The following UBE2V2 variants were observed in gnomAD, a reference collection of about 807,000 sequenced individuals.
The protein encoded by UBE2V2 is ubiquitin-conjugating enzyme E2 variant 2.
In UBE2V2, 9 loss-of-function variants were observed where a neutral mutation model predicts 17.2. That is an observed-to-expected ratio of 0.52 (90% CI 0.32 to 0.91). The LOEUF (loss-of-function observed/expected upper bound fraction) is 0.91. Ranked by LOEUF, UBE2V2 falls within the 40% of genes least tolerant of loss-of-function variation. The pLI is 0.04. For missense variants in UBE2V2, 133 were observed against 182.6 expected (o/e 0.73, Z 1.56); for synonymous variants, 61 against 57.5 (o/e 1.06, Z -0.28).
chr8:48,032,407 A>G (rs559498622), intron 1 of UBE2V2, among the ~76,000 whole-genome samples: 14 of 152,196 alleles, frequency 9.2e-5, no homozygotes, highest in South Asian at 2.1e-4. Flanking sequence ...TATTAAATCT[A>G]TTTGTATAAA....
chr8:48,001,066 C>T, the UBE2V2 span, among the ~76,000 whole-genome samples: 6 of 152,150 alleles, frequency 3.9e-5, no homozygotes, highest in African/African-American at 9.6e-5. Flanking sequence ...ACAAACCAAC[C>T]GAGTGCGCTC....
In UBE2V2 at chr8:48,063,515, A is replaced by G. The variant is rs1802624033; in HGVS notation, c.*2687A>G. 1 of 152,224 alleles carries G rather than the reference A, an allele frequency of 6.6e-6. No homozygotes were observed. The highest frequency in any genetic ancestry group is 2.4e-5 in the African/African-American group (1 of 41,462). 9.4% of individuals were successfully genotyped at this position (152,224 alleles called of 1,614,324 possible). ...GCAAGTGAGACCCTTGAGGATGATC[A>G]TATACTAATAAAGATTACCAAAAGA... On this transcript the variant is annotated 3_prime_UTR_variant, in exon 4 of 4. Transcript: ENST00000523111.
chr8:48,017,662 C>T (rs535107800), intron 1 of UBE2V2, among the ~76,000 whole-genome samples: 4 of 151,980 alleles, frequency 2.6e-5, no homozygotes, highest in South Asian at 2.1e-4. Flanking sequence ...CGAGAGCCAC[C>T]GCGCCTGCCA....
intron 1 of UBE2V2, among the ~76,000 whole-genome samples, chr8:48,039,050 G>T (rs923723526): frequency 4.0e-5 from 6 of 150,714 alleles, no homozygotes; most frequent in African/African-American, 1.5e-4. Context: ...TGCCTTAGGA[G>T]AATTTTTAGT....
At chr8:48,050,848 AAC>A (rs1207438036) in intron 3 of UBE2V2, among the ~76,000 whole-genome samples, 5 of 152,056 alleles carry the variant, frequency 3.3e-5, no homozygotes, top group African/African-American at 1.2e-4. Flanking sequence ...TCTGTGTTGA[AAC>A]AGTCATGGCT....
intron 3 of UBE2V2, among the ~76,000 whole-genome samples, chr8:48,059,372 G>C (rs1022373472): frequency 2.0e-5 from 3 of 151,158 alleles, no homozygotes; most frequent in Non-Finnish European, 4.4e-5. Context: ...GAGACACTTC[G>C]TTTCCCAGCT....
At chr8:48,033,461 C>T (rs1419019123) in intron 1 of UBE2V2, among the ~76,000 whole-genome samples, 5 of 152,000 alleles carry the variant, frequency 3.3e-5, no homozygotes, top group African/African-American at 1.2e-4. Context: ...GCTGGGACTA[C>T]AGGCATGAGC....
chr8:48,022,164 T>G (rs552679822), intron 1 of UBE2V2, among the ~76,000 whole-genome samples: 1 of 149,496 alleles, frequency 6.7e-6, no homozygotes, highest in African/African-American at 2.5e-5. Flanking sequence ...TTGGAGACAG[T>G]GTCGTTCTTG....
intron 1 of UBE2V2, chr8:48,042,357 GATA>G (rs2091469155): frequency 6.6e-6 from 1 of 152,100 alleles, no homozygotes; most frequent in African/African-American, 2.4e-5. Context: ...CATATAAAAT[GATA>G]ATGTTTTCTT....
intron 2 of UBE2V2, among the ~76,000 whole-genome samples, chr8:48,048,145 C>T: frequency 6.6e-6 from 1 of 152,228 alleles, no homozygotes; most frequent in East Asian, 1.9e-4. Flanking sequence ...TCCCTTTGCG[C>T]TTTCCCACAC....
intron 1 of UBE2V2, among the ~76,000 whole-genome samples, chr8:48,038,205 G>GT (rs1332875882): frequency 2.0e-5 from 3 of 152,130 alleles, no homozygotes; most frequent in Non-Finnish European, 2.9e-5. Flanking sequence ...GCTTCAGATT[G>GT]TTTTTTGGAA....
rs200746205 is a variant in UBE2V2, at chr8:48,043,092, G to A, written c.76G>A (p.Val26Ile). The A allele has an allele frequency of 1.6e-4, 254 of 1,598,284 alleles. 2 individuals carry two copies. The highest frequency in any genetic ancestry group is 1.5e-4 in the Non-Finnish European group (171 of 1,170,826). Residue 26 changes from valine to isoleucine, a missense_variant, in exon 2 of 4, where the codon GTA becomes ATA. Around this residue, in one of 3 missense-constraint regions of UBE2V2, gnomAD observed 92 missense variants for 124.3 expected, o/e 0.74. Coordinates refer to ENST00000523111, the MANE Select transcript of UBE2V2 (RefSeq NM_003350.3). Reference sequence around the variant, plus strand: ...AGAACTTGAAGAAGGACAAAAAGGAGTAGGCGACGGTACAGTTAGCTGGGG... The same window carrying A: ...AGAACTTGAAGAAGGACAAAAAGGAATAGGCGACGGTACAGTTAGCTGGGG... ...LEELEEGQKGVGDGTVSWGLE... is the reference protein window; with the variant it reads ...LEELEEGQKGIGDGTVSWGLE...
Position 48,049,956 on chromosome 8 carries a change from G to T in UBE2V2, c.269G>T (p.Gly90Val). 6.4e-7 allele frequency: 1 copy of T among 1,561,572 alleles called. No individual in the cohort carries two copies. Among genetic ancestry groups the T allele is most frequent in the Non-Finnish European group, 8.6e-7 (1 of 1,158,326 alleles). The change falls in exon 3 of 4, where the codon GGA (glycine) becomes GTA (valine). Residue 90 changes from glycine to valine, a missense_variant. Physicochemically the swap from Gly to Val is moderately radical, Grantham distance 109. Around this residue, in one of 3 missense-constraint regions of UBE2V2, gnomAD observed 92 missense variants for 124.3 expected, o/e 0.74. Transcript: ENST00000523111. Reference sequence around the variant, plus strand: ...TTTGTAACAAAAATTAATATGAACGGAATAAATAATTCCAGTGGGATGGTA... The same window carrying T: ...TTTGTAACAAAAATTAATATGAACGTAATAAATAATTCCAGTGGGATGGTA... ...VRFVTKINMN[G>V]INNSSGMVDA...
intron 3 of UBE2V2, among the ~76,000 whole-genome samples, chr8:48,052,707 C>T (rs933261145): frequency 6.6e-6 from 1 of 152,176 alleles, no homozygotes; most frequent in Non-Finnish European, 1.5e-5. Context: ...CAAATTGCGT[C>T]GTGTCATTTC....
chr8:48,012,485 G>A (rs1169207775), intron 1 of UBE2V2, among the ~76,000 whole-genome samples: 3 of 152,132 alleles, frequency 2.0e-5, no homozygotes, highest in East Asian at 1.9e-4. Flanking sequence ...TTGGGAGGCC[G>A]AGGTGGGCGG....
chr8:48,011,866 G>C (rs896411580), intron 1 of UBE2V2, among the ~76,000 whole-genome samples: 3 of 152,168 alleles, frequency 2.0e-5, no homozygotes, highest in African/African-American at 7.2e-5. Flanking sequence ...GTTATCCAGT[G>C]TAGTCTGAAC....
At chr8:48,060,209 CAAAAAAAAAAA>C (rs557515958) in intron 3 of UBE2V2, among the ~76,000 whole-genome samples, 5 of 43,828 alleles carry the variant, frequency 1.1e-4, no homozygotes, top group Non-Finnish European at 2.5e-4. Flanking sequence ...GACTCTGTCT[CAAAAAAAAAAA>C]AAAAAAAAAA....
At chr8:48,021,595 T>C (rs1209848752) in intron 1 of UBE2V2, among the ~76,000 whole-genome samples, 1 of 151,834 alleles carries the variant, frequency 6.6e-6, no homozygotes. Flanking sequence ...CGTGAGCCAC[T>C]GCGCCCGGCC....
intron 2 of UBE2V2, among the ~76,000 whole-genome samples, chr8:48,047,670 G>C (rs2091508780): frequency 6.6e-6 from 1 of 151,704 alleles, no homozygotes; most frequent in Non-Finnish European, 1.5e-5. Flanking sequence ...TGATTCTCCT[G>C]CCTCAGCCTC....
Sources: allele counts gnomAD v4.1 joint callset (sites outside exome capture counted in the v4.1 genomes callset), GRCh38; gene constraint gnomAD v4.1.1; regional missense constraint gnomAD v4.1.1; transcripts MANE v1.5; gene names NCBI Gene and HGNC (gene_info 2026-07-23, HGNC 2026-07-21).